The following FUBP1 variants were observed in gnomAD, a reference collection of about 807,000 sequenced individuals.
FUBP1 encodes far upstream element-binding protein 1.
Under a neutral mutation model 94.9 loss-of-function variants are expected in FUBP1, and 16 were observed. The ratio of observed to expected loss-of-function variants is 0.17; its 90% CI spans 0.11 to 0.26. FUBP1 has a LOEUF of 0.26. Among genes scored for constraint, FUBP1 ranks in the 10% least tolerant of loss-of-function variants. The pLI is 1.00. For synonymous variants in FUBP1, 279 were observed against 254.9 expected (o/e 1.09, Z -0.90); for missense variants, 583 against 808.6 (o/e 0.72, Z 3.38).
chr1:77,978,985 A>C lies in FUBP1; in HGVS notation c.20T>G (p.Val7Gly), dbSNP rs779792486. The C allele has an allele frequency of 6.2e-7, 1 of 1,613,220 alleles. No individual in the cohort carries two copies. Among genetic ancestry groups the C allele is most frequent in the South Asian group, 1.1e-5 (1 of 91,054 alleles). MADYST[V>G]PPPSSGSAGG... is the part of the protein sequence containing the mutation. ...AGCTGAGCCAGAAGAGGGGGGAGGC[A>C]CTGTTGAATAGTCTGCCATGGTTGC... is the stretch of plus-strand genomic sequence containing the variant. Residue 7 changes from valine (V) to glycine (G), a missense_variant, in exon 1 of 20, where the codon GTG becomes GGG. Physicochemically the swap from Val to Gly is moderately radical, Grantham distance 109 (BLOSUM62 -3). Coordinates refer to ENST00000370768, the MANE Select transcript of FUBP1 (RefSeq NM_003902.5).
chr1:77,961,746 C>A (rs1183290193), intron 14 of FUBP1, among the ~76,000 whole-genome samples: 1 of 152,166 alleles, frequency 6.6e-6, no homozygotes. Flanking sequence ...GAAATCCTGA[C>A]GCATGCATGT....
chr1:77,962,535 C>T (rs1655688339), intron 14 of FUBP1, among the ~76,000 whole-genome samples: 1 of 152,192 alleles, frequency 6.6e-6, no homozygotes, highest in Non-Finnish European at 1.5e-5. Context: ...CACTACCCTC[C>T]TCTTATCTAG....
Position 77,962,908 on chromosome 1 carries a change from T to A in FUBP1, c.1206A>T (p.Ile402=). The A allele has an allele frequency of 6.2e-7, 1 of 1,612,776 alleles. No homozygotes were observed. Among genetic ancestry groups the A allele is most frequent in the East Asian group, 2.2e-5 (1 of 44,828 alleles). The part of the protein sequence containing the change: ...IGKGGETIKS[I]SQQSGARIEL... ...CTATTCTTGCACCAGACTGCTGGCT[T>A]ATGCTTTTTATGGTTTCACCTCCTA... The change falls in exon 14 of 20, where the codon ATA becomes ATT. Residue 402 remains isoleucine, a synonymous_variant. Transcript: ENST00000370768.
At chr1:77,976,626 T>C (rs930377255) in intron 1 of FUBP1, among the ~76,000 whole-genome samples, 4 of 152,120 alleles carry the variant, frequency 2.6e-5, no homozygotes. Context: ...CCCAAGTAGC[T>C]AGGACTACAG....
chr1:77,973,539 C>T (rs1264236408), intron 1 of FUBP1, among the ~76,000 whole-genome samples: 8 of 152,246 alleles, frequency 5.3e-5, no homozygotes, highest in African/African-American at 1.9e-4. Context: ...AGCCACCATG[C>T]CTGGCTACTT....
Position 77,948,603 on chromosome 1 carries a change from T to C in FUBP1, c.*163A>G. 2.2e-6 allele frequency: 3 copies of C among 1,342,724 alleles called. No homozygotes were observed. The highest frequency in any genetic ancestry group is 2.9e-6 in the Non-Finnish European group (3 of 1,032,048). The allele number at this position is 1,342,724 out of a possible 1,614,324, so 83.2% of individuals were successfully genotyped here. A position where few individuals can be genotyped will look rare whatever the true frequency, so the allele number is the denominator to read the frequency against. On this transcript the variant is annotated 3_prime_UTR_variant, in exon 20 of 20. Transcript: ENST00000370768. ...AGAAATATTAACCTCCTATCAGTAGTGATAGATATTTTGTACATTTTCAAA... is the reference window on the plus strand; with the variant it reads ...AGAAATATTAACCTCCTATCAGTAGCGATAGATATTTTGTACATTTTCAAA...
intron 2 of FUBP1, chr1:77,969,089 A>G (rs1657035236): frequency 8.2e-7 from 1 of 1,220,474 alleles, no homozygotes; most frequent in African/African-American, 1.6e-5. Context: ...AGCCATCTAC[A>G]CATAAAATAA....
intron 17 of FUBP1, 123 bp downstream of exon 17, chr1:77,956,449 G>T (rs1413452386): frequency 1.2e-5 from 7 of 578,860 alleles, no homozygotes; most frequent in African/African-American, 1.9e-5. Flanking sequence ...TTTAAAAAAG[G>T]AAAAGTCTGC....
Position 77,955,079 on chromosome 1 carries a change from T to C in FUBP1, c.1780+176A>G, listed in dbSNP as rs537183932. On this transcript the variant is annotated intron_variant, in intron 18 of 19. Transcript: ENST00000370768. ...TTTCAATTAATAACTGGTTGACAAA[T>C]GCAATTAGAAAAAAAAATTTCCTTG... Among the ~76,000 whole-genome samples, 6 of 152,264 alleles carry C rather than the reference T, an allele frequency of 3.9e-5. No homozygotes were observed. In the South Asian group the frequency reaches 1.2e-3, roughly 32 times the overall value.
chr1:77,979,163 T>C, upstream of FUBP1: 1 of 704,200 alleles, frequency 1.4e-6, no homozygotes, highest in Admixed American at 2.9e-5. Flanking sequence ...CTCGCGATGT[T>C]TCCGAGGCAA....
Position 77,978,814 on chromosome 1 carries a change from G to A in FUBP1, c.120+71C>T, listed in dbSNP as rs1282594039. On this transcript the variant is annotated intron_variant, in intron 1 of 19. Coordinates refer to ENST00000370768, the MANE Select transcript of FUBP1 (RefSeq NM_003902.5). ...CTTTCCTCTTCCTCATGCGCTTAAG[G>A]GTAGCGGCCTACTCAGTCAGCGGCC... 6 of 1,584,598 alleles carry A rather than the reference G, an allele frequency of 3.8e-6. No homozygotes were observed. In the African/African-American group the frequency reaches 5.4e-5, roughly 14 times the overall value.
intron 12 of FUBP1, 40 bp downstream of exon 12, chr1:77,964,022 C>A (rs751344495): frequency 8.2e-7 from 1 of 1,221,184 alleles, no homozygotes; most frequent in South Asian, 1.2e-5. Flanking sequence ...AATACTTTTC[C>A]ATAAAAACAA....
chr1:77,959,076 C>T (rs952593667), intron 16 of FUBP1, among the ~76,000 whole-genome samples: 2 of 152,196 alleles, frequency 1.3e-5, no homozygotes, highest in African/African-American at 4.8e-5. Flanking sequence ...CCAAACAGCA[C>T]ACTTCCTATG....
chr1:77,947,629 G>A lies in FUBP1; in HGVS notation c.*1137C>T, dbSNP rs1451850864. On this transcript the variant is annotated 3_prime_UTR_variant, in exon 20 of 20. Transcript: ENST00000370768. The stretch of plus-strand genomic sequence containing the variant: ...TAATATGCAAAGAGCCAACAAATAT[G>A]CAAAGAGTAAAACAATGGATTTCAA... The A allele has an allele frequency of 1.7e-5, 15 of 890,872 alleles. No homozygotes were observed. The highest frequency in any genetic ancestry group is 2.1e-5 in the Non-Finnish European group (13 of 605,994). 55.2% of individuals were successfully genotyped at this position (890,872 alleles called of 1,614,324 possible). A position where few individuals can be genotyped will look rare whatever the true frequency, so the allele number is the denominator to read the frequency against.
chr1:77,978,685 A>G (rs1484518776), intron 1 of FUBP1, among the ~76,000 whole-genome samples, 200 bp downstream of exon 1: 1 of 152,230 alleles, frequency 6.6e-6, no homozygotes, highest in Non-Finnish European at 1.5e-5. Context: ...TCGGGGTTCT[A>G]AGTGGATTAG....
chr1:77,948,406 A>G lies in FUBP1; in HGVS notation c.*360T>C. 1 of 1,080,972 alleles carries G rather than the reference A, an allele frequency of 9.3e-7. No homozygotes were observed. Among genetic ancestry groups the G allele is most frequent in the Non-Finnish European group, 1.1e-6 (1 of 886,332 alleles). The allele number at this position is 1,080,972 out of a possible 1,614,324, so 67.0% of individuals were successfully genotyped here. A position where few individuals can be genotyped will look rare whatever the true frequency, so the allele number is the denominator to read the frequency against. On this transcript the variant is annotated 3_prime_UTR_variant, in exon 20 of 20. Coordinates refer to ENST00000370768, the MANE Select transcript of FUBP1 (RefSeq NM_003902.5). ...CACATATCCAACTTACCGACACAGG[A>G]GGTTTCATATCATTTATTGTAAAGC...
At chr1:77,970,205 C>A (rs890163161) in intron 1 of FUBP1, among the ~76,000 whole-genome samples, 190 bp from the exon 2 acceptor site, 2 of 152,086 alleles carry the variant, frequency 1.3e-5, no homozygotes, top group African/African-American at 4.8e-5. Context: ...ACATAATAAT[C>A]ATAAGATTAT....
At chr1:77,963,460 T>C in intron 13 of FUBP1, 114 bp downstream of exon 13, 1 of 578,728 alleles carries the variant, frequency 1.7e-6, no homozygotes, top group Non-Finnish European at 3.1e-6. Flanking sequence ...TAAGAATTCT[T>C]TTCTACTAAA....
chr1:77,973,649 A>G (rs17101101), intron 1 of FUBP1, among the ~76,000 whole-genome samples: 44,558 of 152,102 alleles, frequency 0.29, 7,920 homozygotes, highest in African/African-American at 0.51. Context: ...CACTACTTTA[A>G]CATTTCTCAC....
Sources: gnomAD v4.1 joint callset for allele counts (sites outside exome capture counted in the v4.1 genomes callset) on GRCh38, gnomAD v4.1.1 for gene constraint, MANE v1.5 for transcripts, NCBI Gene and HGNC (gene_info 2026-07-23, HGNC 2026-07-21) for gene names.